PPIL2: variants seen among roughly 807,000 people sequenced by gnomAD.
PPIL2 encodes peptidylprolyl isomerase like 2, also known as RING-type E3 ubiquitin-protein ligase PPIL2.
In PPIL2, 50 loss-of-function variants were observed where a neutral mutation model predicts 75.2. The ratio of observed to expected loss-of-function variants is 0.66; its 90% CI spans 0.53 to 0.84. The LOEUF (loss-of-function observed/expected upper bound fraction) is 0.84. Among genes scored for constraint, PPIL2 ranks in the 40% least tolerant of loss-of-function variants. PPIL2 has a pLI of 0.00. For missense variants in PPIL2, 590 were observed against 685.0 expected, an observed-to-expected ratio of 0.86 and a Z score of 1.55; for synonymous variants, 245 against 258.8, an observed-to-expected ratio of 0.95 and a Z score of 0.51.
chr22:21,687,443 C>G (rs2067416422), intron 12 of PPIL2, among the ~76,000 whole-genome samples, 200 bp from the exon 13 acceptor site: 1 of 151,428 alleles, frequency 6.6e-6, no homozygotes, highest in South Asian at 2.1e-4. Flanking sequence ...GTCCTGGCTA[C>G]TCGGGAGGCT....
At chr22:21,673,247 C>G (rs968611157) in intron 5 of PPIL2, among the ~76,000 whole-genome samples, 2 of 152,232 alleles carry the variant, frequency 1.3e-5, no homozygotes, top group African/African-American at 4.8e-5. Flanking sequence ...TGCTGGGAGC[C>G]ACATTGGATC....
chr22:21,676,890 G>T lies in PPIL2; in HGVS notation c.295+1775G>T, dbSNP rs930906253. 8.7e-4 allele frequency among the ~76,000 whole-genome samples: 132 copies of T among 152,346 alleles called. 1 individual carries two copies. Among genetic ancestry groups the T allele is most frequent in the Non-Finnish European group, 1.4e-3 (92 of 68,034 alleles). ...CTGTTGGGTACACCTCCCAGATGGG[G>T]TGGCAGCCGGGCAGAGGGGCTCCTC... is the stretch of plus-strand genomic sequence containing the variant. On this transcript the variant is annotated intron_variant, in intron 6 of 19. Coordinates refer to ENST00000398831, the MANE Select transcript of PPIL2 (RefSeq NM_014337.4).
intron 5 of PPIL2, among the ~76,000 whole-genome samples, 175 bp from the exon 6 acceptor site, chr22:21,674,889 G>A (rs2066773583): frequency 6.6e-6 from 1 of 152,142 alleles, no homozygotes. Context: ...ACAACTGCCC[G>A]ACGCCATCCT....
chr22:21,694,485 C>G (rs1482490061), intron 16 of PPIL2, 108 bp from the exon 17 acceptor site: 16 of 1,283,228 alleles, frequency 1.2e-5, no homozygotes, highest in Admixed American at 1.9e-5. Flanking sequence ...CAAGGACCAC[C>G]AGGCCAGCCT....
chr22:21,674,109 C>A (rs1199312927), intron 5 of PPIL2, among the ~76,000 whole-genome samples: 2 of 152,152 alleles, frequency 1.3e-5, no homozygotes, highest in East Asian at 3.8e-4. Flanking sequence ...CCCGCTGTGT[C>A]TCCCCTGGGC....
In PPIL2 at chr22:21,696,640, T is replaced by C; in HGVS notation, c.*1150T>C. 6.6e-7 allele frequency: 1 copy of C among 1,513,038 alleles called. No individual in the cohort carries two copies. 93.7% of individuals were successfully genotyped at this position (1,513,038 alleles called of 1,614,324 possible). ...CCTGACACTTGCCTCTTGGGCTCCCTGTTGCCCTCAGGCCACCCCCCACTT... is the reference window on the plus strand; with the variant it reads ...CCTGACACTTGCCTCTTGGGCTCCCCGTTGCCCTCAGGCCACCCCCCACTT... On this transcript the variant is annotated 3_prime_UTR_variant, in exon 20 of 20. Transcript: ENST00000398831.
chr22:21,668,325 T>C (rs1172586643), intron 1 of PPIL2, among the ~76,000 whole-genome samples: 1 of 151,822 alleles, frequency 6.6e-6, no homozygotes, highest in Non-Finnish European at 1.5e-5. Flanking sequence ...AGCATTAATG[T>C]TGAAATAGAG....
At chr22:21,688,632 G>A (rs2067484114) in intron 14 of PPIL2, 100 bp from the exon 15 acceptor site, 3 of 1,162,930 alleles carry the variant, frequency 2.6e-6, no homozygotes, top group Admixed American at 3.8e-5. Context: ...CCCCAGGCTG[G>A]GCTCAGCAAG....
chr22:21,666,170 C>T (rs758033018), intron 1 of PPIL2, 39 bp downstream of exon 1: 16 of 1,585,246 alleles, frequency 1.0e-5, no homozygotes, highest in Non-Finnish European at 1.2e-5. Flanking sequence ...CTCCACTCTG[C>T]CTCAGTGAAC....
Position 21,692,406 on chromosome 22 carries a change from G to A in PPIL2, c.1140-1410G>A, listed in dbSNP as rs549891140. On this transcript the variant is annotated intron_variant, in intron 15 of 19. Transcript: ENST00000398831. ...CCTGACCTTGTGATCCGCCCACCTT[G>A]GCCTCCCAAAGTGCTGGGATTACAG... Among the ~76,000 whole-genome samples the A allele has an allele frequency of 1.8e-3, 263 of 149,552 alleles. 2 individuals are homozygous for A. Among genetic ancestry groups the A allele is most frequent in the Admixed American group, 4.7e-3 (67 of 14,162 alleles).
Position 21,670,626 on chromosome 22 carries a change from A to C in PPIL2, c.128+15A>C, listed in dbSNP as rs954045269. ...GACCACTGCAGGTAAGAGTTTTGCG[A>C]GTTTACCTTTCCCTTGTAATTGTTC... On this transcript the variant is annotated intron_variant, in intron 3 of 19. Transcript: ENST00000398831. The C allele has an allele frequency of 1.9e-6, 3 of 1,602,008 alleles. No homozygotes were observed. In the African/African-American group the frequency reaches 4.0e-5, roughly 21 times the overall value.
chr22:21,670,722 T>G (rs1601508327), intron 3 of PPIL2, 111 bp downstream of exon 3: 2 of 1,217,254 alleles, frequency 1.6e-6, no homozygotes, highest in Non-Finnish European at 2.4e-6. Context: ...GCCTTGAAGA[T>G]GTGGCCCTTC....
chr22:21,694,896 C>T (rs764211986), intron 18 of PPIL2, 41 bp from the exon 19 acceptor site: 3 of 1,605,524 alleles, frequency 1.9e-6, no homozygotes, highest in Admixed American at 1.7e-5. Context: ...TCTGTCCTGC[C>T]CGAGGTGCTG....
intron 6 of PPIL2, among the ~76,000 whole-genome samples, chr22:21,676,806 A>G (rs1384693772): frequency 6.6e-6 from 1 of 152,068 alleles, no homozygotes; most frequent in Admixed American, 6.5e-5. Context: ...TTTTCCCCAC[A>G]TTTCCCCCTT....
intron 15 of PPIL2, among the ~76,000 whole-genome samples, chr22:21,691,645 A>ACTCCAGCC (rs1266096220): frequency 6.6e-6 from 1 of 150,970 alleles, no homozygotes; most frequent in East Asian, 1.9e-4. Context: ...GCGCCACTGC[A>ACTCCAGCC]CTCCAGCCCT....
intron 15 of PPIL2, among the ~76,000 whole-genome samples, chr22:21,690,957 C>CTTTTTTTTTTT (rs34639269): frequency 1.5e-5 from 1 of 64,706 alleles, no homozygotes; most frequent in Non-Finnish European, 2.8e-5. Context: ...GCCACCTTCT[C>CTTTTTTTTTTT]TTTTTTTTTT....
At position 21,684,791 on chromosome 22, in the gene PPIL2, A is replaced by C; in HGVS notation, c.592A>C (p.Lys198Gln). 6.2e-7 allele frequency: 1 copy of C among 1,614,150 alleles called. No individual in the cohort carries two copies. The highest frequency in any genetic ancestry group is 8.5e-7 in the Non-Finnish European group (1 of 1,180,032). ...CAAACAGGACCCGTCTTATTATCTGAAAAATACAAATGCCGAGACCCGAGA... is the reference window on the plus strand; with the variant it reads ...CAAACAGGACCCGTCTTATTATCTGCAAAATACAAATGCCGAGACCCGAGA... Reference protein sequence around the residue: ...KAKQDPSYYLKNTNAETRETL... With the variant: ...KAKQDPSYYLQNTNAETRETL... The change falls in exon 10 of 20, where the codon AAA (lysine) becomes CAA (glutamine). Residue 198 changes from lysine to glutamine, a missense_variant. Transcript: ENST00000398831.
rs2067241274 is a variant in PPIL2, at chr22:21,684,115, G to A, written c.554-638G>A. 2.6e-5 allele frequency among the ~76,000 whole-genome samples: 4 copies of A among 152,150 alleles called. No individual in the cohort carries two copies. In the South Asian group the frequency reaches 8.3e-4, roughly 32 times the overall value. On this transcript the variant is annotated intron_variant, in intron 9 of 19. Coordinates refer to ENST00000398831, the MANE Select transcript of PPIL2 (RefSeq NM_014337.4). ...CCAGCTACTTGGGGGGCTGAGGCAG[G>A]AGAATCGATTGAGCCCAGGAGGTGG... is the stretch of plus-strand genomic sequence containing the variant.
chr22:21,683,165 TTC>T lies in PPIL2; in HGVS notation c.478-13_478-12del. 1.2e-6 allele frequency: 2 copies of T among 1,604,576 alleles called. No homozygotes were observed. Among genetic ancestry groups the T allele is most frequent in the Non-Finnish European group, 1.7e-6 (2 of 1,171,274 alleles). On this transcript the variant is annotated splice_polypyrimidine_tract_variant and intron_variant, in intron 8 of 19. Coordinates refer to ENST00000398831, the MANE Select transcript of PPIL2 (RefSeq NM_014337.4). Reference sequence around the variant, plus strand: ...TAGGCTGGGTTCACTCTGCTGGGCATTCTCTTTTTGCCACAGGACCCCACCAA... The same window carrying T: ...TAGGCTGGGTTCACTCTGCTGGGCATTCTTTTTGCCACAGGACCCCACCAA...
Sources: gnomAD v4.1 joint callset for allele counts (sites outside exome capture counted in the v4.1 genomes callset) on GRCh38, gnomAD v4.1.1 for gene constraint, MANE v1.5 for transcripts, NCBI Gene and HGNC (gene_info 2026-07-23, HGNC 2026-07-21) for gene names.